KCNN2: variants seen among roughly 807,000 people sequenced by gnomAD.
KCNN2 encodes potassium calcium-activated channel subfamily N member 2.
A neutral mutation model predicts 55.5 loss-of-function variants in KCNN2; 24 were observed. The observed-to-expected ratio is 0.43, with a 90% CI of 0.31 to 0.61. The LOEUF (loss-of-function observed/expected upper bound fraction) is 0.61, where lower values mean the gene tolerates loss of function less well. Among genes scored for constraint, KCNN2 ranks in the 20% least tolerant of loss-of-function variants. The pLI is 0.08. For missense variants in KCNN2, 754 were observed against 853.6 expected (o/e 0.88, Z 1.45); for synonymous variants, 431 against 336.1 (o/e 1.28, Z -3.09).
chr5:114,373,638 TTTTA>T (rs1182244065), intron 2 of KCNN2, among the ~76,000 whole-genome samples: 3 of 43,400 alleles, frequency 6.9e-5, no homozygotes, highest in Non-Finnish European at 1.5e-4. Flanking sequence ...GTTATGAAGA[TTTTA>T]TATATATATA....
intron 1 of KCNN2, among the ~76,000 whole-genome samples, chr5:114,072,427 C>T (rs1320971349): frequency 6.6e-6 from 1 of 152,126 alleles, no homozygotes; most frequent in Non-Finnish European, 1.5e-5. Context: ...TCCATAGTCA[C>T]TATGCATTAG....
chr5:114,263,062 C>T (rs779151452), intron 2 of KCNN2, among the ~76,000 whole-genome samples: 3 of 152,112 alleles, frequency 2.0e-5, no homozygotes, highest in Admixed American at 6.5e-5. Flanking sequence ...ACAACTGGAT[C>T]GAGGCCTGGC....
At chr5:114,401,565 CT>C (rs1216681871) in intron 2 of KCNN2, among the ~76,000 whole-genome samples, 1 of 152,148 alleles carries the variant, frequency 6.6e-6, no homozygotes, top group Admixed American at 6.5e-5. Context: ...ATTAAGAAGT[CT>C]TTTATTGTCC....
intron 3 of KCNN2, among the ~76,000 whole-genome samples, chr5:114,427,885 T>C (rs1357558450): frequency 7.2e-5 from 11 of 152,230 alleles, no homozygotes; most frequent in Non-Finnish European, 1.6e-4. Context: ...ATACATAAAT[T>C]GGTACTATTA....
upstream of KCNN2, among the ~76,000 whole-genome samples, chr5:114,358,362 T>G (rs530507046): frequency 1.3e-5 from 2 of 152,138 alleles, 1 homozygote; most frequent in South Asian, 4.1e-4. Flanking sequence ...TAAGAAAATG[T>G]GTTTGTGTGT....
intron 1 of KCNN2, among the ~76,000 whole-genome samples, chr5:114,102,707 T>C (rs1334216885): frequency 6.6e-6 from 1 of 152,202 alleles, no homozygotes; most frequent in African/African-American, 2.4e-5. Context: ...CTTTCCCCAT[T>C]GCTTGTTTTT....
intron 4 of KCNN2, among the ~76,000 whole-genome samples, chr5:114,467,543 AGAGTATATCTTTAAGTTCTTAC>A (rs557920822): frequency 1.3e-4 from 20 of 152,234 alleles, no homozygotes; most frequent in African/African-American, 4.3e-4. Flanking sequence ...CCCAGTGAAG[AGAGTATATCTTTAAGTTCTTAC>A]ATACAATAGT....
At chr5:114,449,522 T>C (rs1760557943) in intron 3 of KCNN2, among the ~76,000 whole-genome samples, 1 of 152,178 alleles carries the variant, frequency 6.6e-6, no homozygotes, top group African/African-American at 2.4e-5. Flanking sequence ...CACAGCCACC[T>C]GGTGAGGTAG....
At chr5:114,207,630 T>C (rs879803798) in intron 1 of KCNN2, among the ~76,000 whole-genome samples, 5 of 152,222 alleles carry the variant, frequency 3.3e-5, no homozygotes, top group Non-Finnish European at 4.4e-5. Flanking sequence ...AATTTTTTTC[T>C]TGTCCTTGAA....
At chr5:114,486,051 CA>C (rs1762425022) in intron 5 of KCNN2, among the ~76,000 whole-genome samples, 1 of 152,182 alleles carries the variant, frequency 6.6e-6, no homozygotes, top group South Asian at 2.1e-4. Flanking sequence ...TTGGTTAGTG[CA>C]AAGTCAAGTA....
chr5:114,360,458 T>TA (rs1757383985), upstream of KCNN2, among the ~76,000 whole-genome samples: 1 of 152,224 alleles, frequency 6.6e-6, no homozygotes, highest in Non-Finnish European at 1.5e-5. Context: ...CTCGTTGTAA[T>TA]AGTCTTTATC....
intron 1 of KCNN2, among the ~76,000 whole-genome samples, chr5:114,204,451 A>G (rs576076284): frequency 2.0e-5 from 3 of 152,356 alleles, no homozygotes; most frequent in African/African-American, 7.2e-5. Flanking sequence ...TGACTTGTCC[A>G]GAATCAGATC....
intron 1 of KCNN2, among the ~76,000 whole-genome samples, chr5:114,168,264 GTT>G (rs1752961102): frequency 6.6e-6 from 1 of 151,228 alleles, no homozygotes; most frequent in Non-Finnish European, 1.5e-5. Flanking sequence ...TTTCTATTTA[GTT>G]TCCATAGGAT....
At chr5:114,122,145 T>G (rs1421443341) in intron 1 of KCNN2, among the ~76,000 whole-genome samples, 1 of 152,090 alleles carries the variant, frequency 6.6e-6, no homozygotes, top group Non-Finnish European at 1.5e-5. Context: ...TGATGTGGTG[T>G]TAGGAGTAAT....
chr5:114,109,008 T>C (rs1238451336), intron 1 of KCNN2, among the ~76,000 whole-genome samples: 2 of 152,086 alleles, frequency 1.3e-5, no homozygotes, highest in Admixed American at 1.3e-4. Flanking sequence ...TTGCTGTTGC[T>C]TTACATTCTC....
intron 3 of KCNN2, among the ~76,000 whole-genome samples, chr5:114,447,695 A>G (rs1192470056): frequency 2.0e-5 from 3 of 152,222 alleles, no homozygotes; most frequent in Non-Finnish European, 4.4e-5. Context: ...AAAGTTTGTT[A>G]GACCAATTTA....
intron 1 of KCNN2, among the ~76,000 whole-genome samples, chr5:114,143,826 T>C (rs903980217): frequency 6.6e-6 from 1 of 152,348 alleles, no homozygotes; most frequent in South Asian, 2.1e-4. Context: ...GGGGTCTCCC[T>C]ACATCTCCCC....
chr5:114,394,844 T>C (rs1283717413), intron 2 of KCNN2, among the ~76,000 whole-genome samples: 2 of 152,198 alleles, frequency 1.3e-5, no homozygotes, highest in African/African-American at 2.4e-5. Flanking sequence ...CTTTCAGTTA[T>C]ATTAAGTGCC....
intron 1 of KCNN2, among the ~76,000 whole-genome samples, chr5:114,084,459 G>C (rs1414835831): frequency 1.3e-5 from 2 of 152,022 alleles, no homozygotes; most frequent in African/African-American, 4.8e-5. Context: ...TTTGCCATCT[G>C]TATAACTTCT....
Sources: gnomAD v4.1 joint callset for allele counts (sites outside exome capture counted in the v4.1 genomes callset) on GRCh38, gnomAD v4.1.1 for gene constraint, MANE v1.5 for transcripts, NCBI Gene and HGNC (gene_info 2026-07-23, HGNC 2026-07-21) for gene names.